The following PGR variants were observed in gnomAD, a reference collection of about 807,000 sequenced individuals.
PGR encodes the protein progesterone receptor.
In PGR, 25 loss-of-function variants were observed where a neutral mutation model predicts 76.1. The observed-to-expected ratio is 0.33, with a 90% CI of 0.24 to 0.46. PGR has a LOEUF of 0.46. Among genes scored for constraint, PGR ranks in the 20% least tolerant of loss-of-function variants. PGR has a pLI of 1.00. For missense variants in PGR, 1,172 were observed against 1,225.3 expected, an observed-to-expected ratio of 0.96 and a Z score of 0.65; for synonymous variants, 579 against 535.0, an observed-to-expected ratio of 1.08 and a Z score of -1.14.
intron 2 of PGR, among the ~76,000 whole-genome samples, chr11:101,125,093 G>T (rs1862797655): frequency 6.6e-6 from 1 of 151,988 alleles, no homozygotes; most frequent in Admixed American, 6.6e-5. Flanking sequence ...GTCTAGGTGT[G>T]ATCTCAGCAC....
chr11:101,106,638 A>T (rs558952880), intron 2 of PGR, among the ~76,000 whole-genome samples: 36 of 152,354 alleles, frequency 2.4e-4, no homozygotes, highest in African/African-American at 6.7e-4. Context: ...TAGTTCAACC[A>T]TTGTGGAAGA....
At chr11:101,098,187 C>T (rs1247124409) in intron 2 of PGR, among the ~76,000 whole-genome samples, 1 of 151,956 alleles carries the variant, frequency 6.6e-6, no homozygotes, top group Admixed American at 6.6e-5. Context: ...TGACAAAATT[C>T]CACTTTAAAG....
intron 3 of PGR, among the ~76,000 whole-genome samples, chr11:101,084,447 C>T (rs1398502810): frequency 6.6e-6 from 1 of 152,000 alleles, no homozygotes; most frequent in Non-Finnish European, 1.5e-5. Context: ...CACCTGAGAC[C>T]AGGAGTTCAA....
chr11:101,091,260 C>T (rs970717757), intron 3 of PGR, among the ~76,000 whole-genome samples: 2 of 152,180 alleles, frequency 1.3e-5, no homozygotes, highest in Non-Finnish European at 2.9e-5. Context: ...ATTAATATAA[C>T]TCTTCATCAA....
At chr11:101,044,498 G>T (rs541642511) in intron 6 of PGR, among the ~76,000 whole-genome samples, 1 of 152,162 alleles carries the variant, frequency 6.6e-6, no homozygotes, top group African/African-American at 2.4e-5. Context: ...CACTGGAATG[G>T]CACTTTTAAA....
At chr11:101,112,663 C>A (rs1354406747) in intron 2 of PGR, among the ~76,000 whole-genome samples, 2 of 152,088 alleles carry the variant, frequency 1.3e-5, no homozygotes. Flanking sequence ...GGACTGTCTG[C>A]AGGGCAGATT....
At chr11:101,101,091 C>T (rs1022692738) in intron 2 of PGR, among the ~76,000 whole-genome samples, 3 of 152,108 alleles carry the variant, frequency 2.0e-5, no homozygotes, top group Admixed American at 6.6e-5. Context: ...AGGAAATGTG[C>T]AAGTTGAGCC....
chr11:101,080,984 CA>C (rs1316450367), intron 3 of PGR, among the ~76,000 whole-genome samples: 2 of 151,622 alleles, frequency 1.3e-5, no homozygotes, highest in Non-Finnish European at 2.9e-5. Flanking sequence ...TTATATAAAG[CA>C]AAAAAACCCT....
Position 101,117,668 on chromosome 11 carries a change from G to A in PGR, c.1789+8339C>T, listed in dbSNP as rs184185509. Among the ~76,000 whole-genome samples, 278 of 150,542 alleles carry A rather than the reference G, an allele frequency of 1.8e-3. 1 individual carries two copies. Among genetic ancestry groups the A allele is most frequent in the African/African-American group, 5.7e-3 (235 of 41,112 alleles). On this transcript the variant is annotated intron_variant, in intron 2 of 7. Coordinates refer to ENST00000325455, the MANE Select transcript of PGR (RefSeq NM_000926.4). ...CTGAAATTTTTCTTGTGTATAATAC[G>A]CCAGGAGTCACAATATTATTATATT...
intron 2 of PGR, among the ~76,000 whole-genome samples, chr11:101,119,108 A>T (rs1033587363): frequency 6.6e-6 from 1 of 152,158 alleles, no homozygotes; most frequent in Non-Finnish European, 1.5e-5. Flanking sequence ...TCTCACTCTT[A>T]TGAGAATCTA....
At chr11:101,059,866 A>T (rs577815310) in intron 4 of PGR, among the ~76,000 whole-genome samples, 15 of 151,434 alleles carry the variant, frequency 9.9e-5, no homozygotes, top group African/African-American at 3.6e-4. Context: ...AAAAAAGAAA[A>T]AAAAGAAAAG....
rs1475882097 is a variant in PGR at position 101,127,546 on chromosome 11, G to GGGCCGCCCCGGCGGCGGC, written c.1507_1524dup (p.Ala503_Ala508dup). 2 of 1,408,280 alleles carry GGGCCGCCCCGGCGGCGGC rather than the reference G, an allele frequency of 1.4e-6. No individual in the cohort carries two copies. The highest frequency in any genetic ancestry group is 1.9e-6 in the Non-Finnish European group (2 of 1,079,606). The allele number at this position is 1,408,280 out of a possible 1,614,324, so 87.2% of individuals were successfully genotyped here. ...AGGCCGAGTGCAGGGTAGAGCGCGG[G>GGGCCGCCCCGGCGGCGGC]GGCCGCCCCGGCGGCGGCGGCAGAG... On this transcript the variant is annotated inframe_insertion, in exon 1 of 8. Coordinates refer to ENST00000325455, the MANE Select transcript of PGR (RefSeq NM_000926.4).
At chr11:101,113,795 A>AT (rs1440039199) in intron 2 of PGR, among the ~76,000 whole-genome samples, 2 of 152,130 alleles carry the variant, frequency 1.3e-5, no homozygotes, top group African/African-American at 4.8e-5. Flanking sequence ...CAATAGGGAA[A>AT]TTCTCACAGG....
intron 4 of PGR, among the ~76,000 whole-genome samples, chr11:101,057,252 A>T (rs1006771193): frequency 6.6e-6 from 1 of 152,168 alleles, no homozygotes; most frequent in South Asian, 2.1e-4. Flanking sequence ...ATCCTGAAAG[A>T]TAGTTACAGG....
intron 3 of PGR, among the ~76,000 whole-genome samples, chr11:101,071,550 A>G (rs879289318): frequency 2.6e-5 from 4 of 151,994 alleles, no homozygotes; most frequent in Non-Finnish European, 5.9e-5. Flanking sequence ...AGCATGTTCT[A>G]ACCCAATGCA....
At chr11:101,114,583 G>C (rs1591427402) in intron 2 of PGR, among the ~76,000 whole-genome samples, 1 of 152,072 alleles carries the variant, frequency 6.6e-6, no homozygotes, top group Admixed American at 6.6e-5. Context: ...AATATATTCT[G>C]CATGGTGCTT....
intron 2 of PGR, among the ~76,000 whole-genome samples, chr11:101,103,785 A>C (rs989344797): frequency 1.3e-5 from 2 of 152,242 alleles, no homozygotes; most frequent in South Asian, 4.1e-4. Flanking sequence ...CCAATATTGC[A>C]AAGTTTTAGC....
At chr11:101,113,581 T>TA (rs1194654726) in intron 2 of PGR, among the ~76,000 whole-genome samples, 5 of 152,166 alleles carry the variant, frequency 3.3e-5, no homozygotes, top group African/African-American at 1.2e-4. Flanking sequence ...ATATATCTTC[T>TA]AAGTATCATA....
In PGR at chr11:101,129,692, G is replaced by A; in HGVS notation, c.-622C>T. ...GATCTCAGATCCCAGTAGTGCGGGA[G>A]CACTAGCCGCCTCGGGTTGTAGATT... On this transcript the variant is annotated 5_prime_UTR_variant, in exon 1 of 8. Transcript: ENST00000325455. 1 of 181,204 alleles carries A rather than the reference G, an allele frequency of 5.5e-6. No individual in the cohort carries two copies. The highest frequency in any genetic ancestry group is 1.2e-5 in the Non-Finnish European group (1 of 84,874). The allele number at this position is 181,204 out of a possible 1,614,324, so 11.2% of individuals were successfully genotyped here.
Sources: gnomAD v4.1 joint callset for allele counts (sites outside exome capture counted in the v4.1 genomes callset) on GRCh38, gnomAD v4.1.1 for gene constraint, MANE v1.5 for transcripts, NCBI Gene and HGNC (gene_info 2026-07-23, HGNC 2026-07-21) for gene names.